The following EMP2 variants were observed in gnomAD, a reference collection of about 807,000 sequenced individuals.
EMP2 encodes epithelial membrane protein 2.
In EMP2, 19 loss-of-function variants were observed where a neutral mutation model predicts 13.7. That is an observed-to-expected ratio of 1.38 (90% CI 0.97 to 2.03). The LOEUF is 2.03. EMP2 is among the 30% of genes most tolerant of loss of function. EMP2 has a pLI of 0.00. For synonymous variants in EMP2, 97 were observed against 84.7 expected (o/e 1.15, Z -0.80); for missense variants, 253 against 220.7 (o/e 1.15, Z -0.93).
chr16:10,539,150 T>A (rs2050674492), intron 3 of EMP2, among the ~76,000 whole-genome samples: 1 of 152,126 alleles, frequency 6.6e-6, no homozygotes, highest in African/African-American at 2.4e-5. Context: ...AAGAGCTGAA[T>A]GCTGAATGTT....
chr16:10,537,838 C>T (rs1489148454), intron 4 of EMP2, 90 bp downstream of exon 4: 30 of 1,543,280 alleles, frequency 1.9e-5, no homozygotes, highest in Admixed American at 1.3e-4. Context: ...TTTCCAAATT[C>T]TCCCTCCTCC....
Position 10,580,082 on chromosome 16 carries a change from G to A in EMP2, c.-61+467C>T, listed in dbSNP as rs2051016491. 6.6e-6 allele frequency among the ~76,000 whole-genome samples: 1 copy of A among 152,148 alleles called. No individual in the cohort carries two copies. The highest frequency in any genetic ancestry group is 1.5e-5 in the Non-Finnish European group (1 of 68,022). ...AAGAAGTCGCTCCTCGCCGCTCGGG[G>A]GCGCGACGGAGCAGCGGCGGGGGCC... On this transcript the variant is annotated intron_variant, in intron 1 of 4. Transcript: ENST00000359543. This position sits in a 1 kb window ranked among gnomAD's most constrained non-coding sequence, Gnocchi z 4.3.
intron 4 of EMP2, among the ~76,000 whole-genome samples, chr16:10,536,815 C>T (rs920840279): frequency 6.6e-6 from 1 of 152,116 alleles, no homozygotes; most frequent in Non-Finnish European, 1.5e-5. Flanking sequence ...TAGAGGAGGT[C>T]TCACTATGTT....
At chr16:10,542,958 G>C (rs914628287) in intron 3 of EMP2, among the ~76,000 whole-genome samples, 1 of 152,192 alleles carries the variant, frequency 6.6e-6, no homozygotes, top group Non-Finnish European at 1.5e-5. Context: ...CAATTCTCTT[G>C]CTTCAGCCTC....
At chr16:10,552,119 C>CTT (rs35463309) in intron 1 of EMP2, among the ~76,000 whole-genome samples, 22 of 108,216 alleles carry the variant, frequency 2.0e-4, no homozygotes, top group East Asian at 6.1e-4. Context: ...GATGCATTCC[C>CTT]TTTTTTTTTT....
At chr16:10,579,148 A>C (rs538102567) in intron 1 of EMP2, among the ~76,000 whole-genome samples, 340 of 152,268 alleles carry the variant, frequency 2.2e-3, no homozygotes, top group African/African-American at 8.0e-3. Context: ...GAGGGCGAGC[A>C]CCAGCCAACT....
chr16:10,557,924 GA>G (rs2050843084), intron 1 of EMP2, among the ~76,000 whole-genome samples: 1 of 152,128 alleles, frequency 6.6e-6, no homozygotes, highest in Admixed American at 6.5e-5. Context: ...TGGGGCTGTG[GA>G]GGAGGAACAA....
At chr16:10,566,259 A>T (rs542215736) in intron 1 of EMP2, among the ~76,000 whole-genome samples, 1 of 152,368 alleles carries the variant, frequency 6.6e-6, no homozygotes, top group South Asian at 2.1e-4. Flanking sequence ...AATGTATTTT[A>T]AAAAGAAATC....
intron 1 of EMP2, among the ~76,000 whole-genome samples, chr16:10,556,131 A>G (rs1194920900): frequency 6.6e-6 from 1 of 152,180 alleles, no homozygotes; most frequent in African/African-American, 2.4e-5. Flanking sequence ...TACTCTACAG[A>G]GCCAAATAGT....
intron 4 of EMP2, among the ~76,000 whole-genome samples, chr16:10,535,274 G>A (rs1344214206): frequency 6.6e-6 from 1 of 152,146 alleles, no homozygotes; most frequent in Admixed American, 6.6e-5. Context: ...AGAATGGGAT[G>A]CTATGCAAGG....
chr16:10,558,995 T>G (rs566523533), intron 1 of EMP2: 2 of 152,088 alleles, frequency 1.3e-5, no homozygotes, highest in South Asian at 4.2e-4. Flanking sequence ...AATACAGACC[T>G]GAGATGTTCG....
chr16:10,548,426 C>A (rs1289546558), intron 1 of EMP2, among the ~76,000 whole-genome samples: 1 of 152,182 alleles, frequency 6.6e-6, no homozygotes, highest in African/African-American at 2.4e-5. Flanking sequence ...CATGGTGGCT[C>A]ACGCCTGTAA....
intron 1 of EMP2, among the ~76,000 whole-genome samples, chr16:10,567,180 C>T (rs902764709): frequency 5.8e-4 from 89 of 152,322 alleles, no homozygotes; most frequent in Non-Finnish European, 1.0e-4. Context: ...TGGAAGCTCC[C>T]AGCGGGCAGG....
intron 1 of EMP2, among the ~76,000 whole-genome samples, chr16:10,570,073 C>CT (rs112513717): frequency 0.053 from 8,106 of 152,188 alleles, 726 homozygotes; most frequent in African/African-American, 0.18. Context: ...GCGATGGTTA[C>CT]CGGGGTGCCC....
chr16:10,579,832 T>C (rs1265129734), intron 1 of EMP2, among the ~76,000 whole-genome samples: 2 of 152,078 alleles, frequency 1.3e-5, no homozygotes, highest in African/African-American at 4.8e-5. Context: ...GGAGTCCCCA[T>C]GTCCAGCCCC....
intron 1 of EMP2, among the ~76,000 whole-genome samples, chr16:10,554,454 C>A (rs2050812400): frequency 6.6e-6 from 1 of 152,030 alleles, no homozygotes; most frequent in Non-Finnish European, 1.5e-5. Flanking sequence ...GACCAGCTTC[C>A]CCAGGGCTTT....
chr16:10,577,141 C>T (rs2050989216), intron 1 of EMP2, among the ~76,000 whole-genome samples: 1 of 152,190 alleles, frequency 6.6e-6, no homozygotes, highest in South Asian at 2.1e-4. Context: ...GTGACCTGGG[C>T]AAGTCACTCC....
intron 1 of EMP2, among the ~76,000 whole-genome samples, chr16:10,574,217 C>T (rs1467860312): frequency 6.6e-6 from 1 of 152,132 alleles, no homozygotes; most frequent in East Asian, 1.9e-4. Context: ...GGATTAGAGG[C>T]GTGAGCTACT....
At chr16:10,548,712 A>G (rs1405592699) in intron 1 of EMP2, among the ~76,000 whole-genome samples, 1 of 152,010 alleles carries the variant, frequency 6.6e-6, no homozygotes, top group Non-Finnish European at 1.5e-5. Flanking sequence ...AAAAATAAAA[A>G]TAAAATAAAA....
Sources: gnomAD v4.1 joint callset for allele counts (sites outside exome capture counted in the v4.1 genomes callset) on GRCh38, gnomAD v4.1.1 for gene constraint, Gnocchi (gnomAD v3.1) non-coding constraint, MANE v1.5 for transcripts, NCBI Gene and HGNC (gene_info 2026-07-23, HGNC 2026-07-21) for gene names.